The following GNAQ variants were observed in gnomAD, a reference collection of about 807,000 sequenced individuals.
GNAQ encodes G protein subunit alpha q.
GNAQ carries 8 observed loss-of-function variants against 43.9 expected under a neutral mutation model. The observed-to-expected ratio is 0.18, with a 90% confidence interval of 0.11 to 0.33. The LOEUF (loss-of-function observed/expected upper bound fraction) is 0.33, where lower values mean the gene tolerates loss of function less well. Among genes scored for constraint, GNAQ ranks in the 10% least tolerant of loss-of-function variants. The pLI, the probability that GNAQ is intolerant of heterozygous loss-of-function variation, is 1.00. For synonymous variants in GNAQ, 155 were observed against 170.7 expected (o/e 0.91, Z 0.71); for missense variants, 158 against 450.8 (o/e 0.35, Z 5.88).
At chr9:77,879,201 T>C (rs1373624706) in intron 2 of GNAQ, among the ~76,000 whole-genome samples, 1 of 152,176 alleles carries the variant, frequency 6.6e-6, no homozygotes, top group Non-Finnish European at 1.5e-5. Flanking sequence ...TAAAGGACTA[T>C]TTTTTAAAAA....
chr9:77,761,219 A>C (rs1327427970), intron 5 of GNAQ, among the ~76,000 whole-genome samples: 17 of 124,948 alleles, frequency 1.4e-4, no homozygotes, highest in Admixed American at 5.5e-4. Flanking sequence ...AGCTGCCCCT[A>C]CTGGGAAGTG....
At chr9:77,757,039 CAAATCCTT>C (rs1241608660) in intron 5 of GNAQ, among the ~76,000 whole-genome samples, 1 of 152,128 alleles carries the variant, frequency 6.6e-6, no homozygotes, top group East Asian at 1.9e-4. Flanking sequence ...TACTAGGGAT[CAAATCCTT>C]AAATTAAAGG....
chr9:77,752,920 A>C (rs1000165951), intron 5 of GNAQ, among the ~76,000 whole-genome samples: 4 of 151,926 alleles, frequency 2.6e-5, no homozygotes, highest in African/African-American at 9.7e-5. Flanking sequence ...TCCTGTCTCT[A>C]CTAAAAATAC....
chr9:78,021,760 T>C (rs550272189), intron 1 of GNAQ, among the ~76,000 whole-genome samples: 1 of 152,294 alleles, frequency 6.6e-6, no homozygotes, highest in South Asian at 2.1e-4. Flanking sequence ...TTGGCTTCAG[T>C]CACACATACA....
chr9:78,031,659 G>T lies in GNAQ; in HGVS notation c.-424C>A, dbSNP rs1284128008. 1.4e-5 allele frequency among the ~76,000 whole-genome samples: 2 copies of T among 147,526 alleles called. No homozygotes were observed. The highest frequency in any genetic ancestry group is 4.9e-5 in the African/African-American group (2 of 40,868). ...CCTGGCGGCGAGAGCTCATTCACCG[G>T]GGTGTCCCCGCAGCGAGCGGCCGCC... On this transcript the variant is annotated 5_prime_UTR_variant, in exon 1 of 7. Transcript: ENST00000286548.
intron 2 of GNAQ, among the ~76,000 whole-genome samples, chr9:77,842,379 G>A (rs1476996242): frequency 9.2e-5 from 14 of 152,168 alleles, no homozygotes; most frequent in Non-Finnish European, 1.5e-4. Context: ...GAAGGGCACA[G>A]AATTGACAAA....
At position 77,901,937 on chromosome 9, in the gene GNAQ, A is replaced by G. The variant is rs114285670; in HGVS notation, c.321+20224T>C. Among the ~76,000 whole-genome samples the G allele has an allele frequency of 5.5e-3, 834 of 152,220 alleles. 8 individuals are homozygous for G. The highest frequency in any genetic ancestry group is 0.018 in the African/African-American group (755 of 41,540). ...GAAGGGAACTAGCTTCCTTCGGCCT[A>G]TTTTATAGGAGGACTAATCCCCTTC... On this transcript the variant is annotated intron_variant, in intron 2 of 6. Transcript: ENST00000286548.
At chr9:77,916,998 C>T (rs1016401598) in intron 2 of GNAQ, among the ~76,000 whole-genome samples, 4 of 152,178 alleles carry the variant, frequency 2.6e-5, no homozygotes, top group Non-Finnish European at 5.9e-5. Flanking sequence ...CTATGATCCG[C>T]TATCTGGAGT....
chr9:77,864,472 G>T (rs931403736), intron 2 of GNAQ, among the ~76,000 whole-genome samples: 1 of 152,166 alleles, frequency 6.6e-6, no homozygotes, highest in Admixed American at 6.5e-5. Context: ...TATCCAAGTG[G>T]GCCCAATGTA....
Position 77,717,820 on chromosome 9 carries a change from A to AT in GNAQ, c.*3502dup, listed in dbSNP as rs1213009841. The stretch of plus-strand genomic sequence containing the variant: ...TAAACAACATATGCAGGTTCTTAAA[A>AT]TTTTTTTTTCCAGTCTATTCATGAC... On this transcript the variant is annotated 3_prime_UTR_variant, in exon 7 of 7. Transcript: ENST00000286548. The AT allele has an allele frequency of 1.0e-4, 24 of 231,002 alleles. No individual in the cohort carries two copies. Among genetic ancestry groups the AT allele is most frequent in the East Asian group, 5.5e-4 (9 of 16,352 alleles). 14.3% of individuals were successfully genotyped at this position (231,002 alleles called of 1,614,324 possible).
At chr9:77,945,937 A>AT (rs367791923) in intron 1 of GNAQ, among the ~76,000 whole-genome samples, 39 of 152,326 alleles carry the variant, frequency 2.6e-4, no homozygotes, top group South Asian at 1.0e-3. Context: ...CCCACTACTT[A>AT]TAAGGTTGCC....
intron 2 of GNAQ, among the ~76,000 whole-genome samples, chr9:77,860,702 G>A (rs10781466): frequency 2.6e-5 from 4 of 151,826 alleles, no homozygotes; most frequent in Non-Finnish European, 5.9e-5. Flanking sequence ...GGTCCATGGC[G>A]CGGGATGTTC....
At chr9:78,012,608 A>G (rs1011526044) in intron 1 of GNAQ, among the ~76,000 whole-genome samples, 7 of 152,194 alleles carry the variant, frequency 4.6e-5, no homozygotes, top group Admixed American at 3.3e-4. Context: ...CAACTCATAG[A>G]TAAAAATAAA....
At chr9:77,887,024 A>C (rs1240431807) in intron 2 of GNAQ, among the ~76,000 whole-genome samples, 1 of 152,064 alleles carries the variant, frequency 6.6e-6, no homozygotes, top group African/African-American at 2.4e-5. Flanking sequence ...TTGGAGGCTA[A>C]GGCAGGAGAA....
At chr9:77,751,512 T>C (rs1450818555) in intron 5 of GNAQ, among the ~76,000 whole-genome samples, 1 of 152,178 alleles carries the variant, frequency 6.6e-6, no homozygotes, top group Admixed American at 6.5e-5. Context: ...GAAAGCCCAG[T>C]AGAGAAAAGA....
chr9:77,742,430 T>C (rs1825667514), intron 5 of GNAQ, among the ~76,000 whole-genome samples: 2 of 152,132 alleles, frequency 1.3e-5, no homozygotes, highest in East Asian at 1.9e-4. Flanking sequence ...AGGTTGAAGG[T>C]TTCAATATTT....
At chr9:77,753,966 G>C (rs898442148) in intron 5 of GNAQ, among the ~76,000 whole-genome samples, 8 of 152,118 alleles carry the variant, frequency 5.3e-5, no homozygotes, top group Admixed American at 1.3e-4. Flanking sequence ...TAAAGTTGAG[G>C]GAAAAAACTT....
At chr9:77,757,844 C>T (rs577027015) in intron 5 of GNAQ, among the ~76,000 whole-genome samples, 6 of 152,296 alleles carry the variant, frequency 3.9e-5, no homozygotes, top group South Asian at 2.1e-4. Flanking sequence ...TCTAGTAACA[C>T]GGAAAGTCCT....
intron 3 of GNAQ, among the ~76,000 whole-genome samples, chr9:77,801,831 G>A (rs1826747633): frequency 6.6e-6 from 1 of 152,156 alleles, no homozygotes; most frequent in African/African-American, 2.4e-5. Flanking sequence ...ACCCAGGATT[G>A]AAGATATGTT....
Sources: gnomAD v4.1 joint callset for allele counts (sites outside exome capture counted in the v4.1 genomes callset) on GRCh38, gnomAD v4.1.1 for gene constraint, MANE v1.5 for transcripts, NCBI Gene and HGNC (gene_info 2026-07-23, HGNC 2026-07-21) for gene names.